ZAP70: variants seen among roughly 807,000 people sequenced by gnomAD.
The protein encoded by ZAP70 is tyrosine-protein kinase ZAP-70.
A neutral mutation model predicts 65.8 loss-of-function variants in ZAP70; 27 were observed. The observed-to-expected ratio is 0.41, with a 90% CI of 0.30 to 0.57. The LOEUF (loss-of-function observed/expected upper bound fraction) is 0.57, where lower values mean the gene tolerates loss of function less well. ZAP70 is among the 20% of genes least tolerant of loss of function. The pLI, the probability that ZAP70 is intolerant of heterozygous loss-of-function variation, is 0.28. For synonymous variants in ZAP70, 363 were observed against 360.8 expected (o/e 1.01, Z -0.07); for missense variants, 696 against 870.5 (o/e 0.80, Z 2.52).
At chr2:97,719,535 C>T (rs1677078251) in intron 2 of ZAP70, among the ~76,000 whole-genome samples, 1 of 144,988 alleles carries the variant, frequency 6.9e-6, no homozygotes, top group Non-Finnish European at 1.5e-5. Context: ...GGGGTGCTAT[C>T]AGTGCTGGAG....
rs1359245245 is a variant in ZAP70, at chr2:97,733,204, A to C, written c.782A>C (p.Asn261Thr). 3 of 1,613,410 alleles carry C rather than the reference A, an allele frequency of 1.9e-6. No individual in the cohort carries two copies. In the Admixed American group the frequency reaches 5.0e-5, roughly 27 times the overall value. Residue 261 changes from asparagine (N) to threonine (T), a missense_variant, in exon 6 of 14, where the codon AAC becomes ACC. By Grantham distance (65) the Asn-to-Thr change is moderately conservative (BLOSUM62 0). Around this residue, in one of 3 missense-constraint regions of ZAP70, gnomAD observed 551 missense variants for 630.0 expected, o/e 0.87. Coordinates refer to ENST00000264972, the MANE Select transcript of ZAP70 (RefSeq NM_001079.4). ...GCCTGCCCCAACAGCAGTGCCAGCA[A>C]CGCCTCAGGTGACGGCAGCAGGCGG... ...KEACPNSSAS[N>T]ASGAAAPTLP...
chr2:97,730,924 G>A lies in ZAP70; in HGVS notation c.564-1959G>A, dbSNP rs1439463972. 3.3e-5 allele frequency among the ~76,000 whole-genome samples: 5 copies of A among 151,980 alleles called. No homozygotes were observed. In the South Asian group the frequency reaches 6.2e-4, roughly 19 times the overall value. On this transcript the variant is annotated intron_variant, in intron 4 of 13. Transcript: ENST00000264972. The stretch of plus-strand genomic sequence containing the variant: ...CAAAAAATTAGCTGGGCGTGGTGGT[G>A]TGCACCTGCAGTCCCAGCTACTTGG...
At position 97,725,159 on chromosome 2, in the gene ZAP70, C is replaced by T; in HGVS notation, c.470C>T (p.Ala157Val). 2 of 1,614,176 alleles carry T rather than the reference C, an allele frequency of 1.2e-6. No homozygotes were observed. The highest frequency in any genetic ancestry group is 1.7e-6 in the Non-Finnish European group (2 of 1,180,032). The change falls in exon 4 of 14, where the codon GCC (alanine) becomes GTC (valine). Residue 157 changes from alanine to valine, a missense_variant. Around this residue, in one of 3 missense-constraint regions of ZAP70, gnomAD observed 551 missense variants for 630.0 expected, o/e 0.87. Transcript: ENST00000264972. ...GTGGAGAAGCTCATTGCTACGACGG[C>T]CCACGAGCGGATGCCCTGGTACCAC... is the stretch of plus-strand genomic sequence containing the variant. ...PQVEKLIATT[A>V]HERMPWYHSS...
intron 2 of ZAP70, among the ~76,000 whole-genome samples, chr2:97,717,238 T>G (rs1573248334): frequency 9.0e-5 from 4 of 44,622 alleles, no homozygotes; most frequent in East Asian, 5.5e-4. Context: ...GGAGCTGGAG[T>G]GGGAACAGGG....
chr2:97,725,834 G>T lies in ZAP70; in HGVS notation c.563+582G>T, dbSNP rs1331131150. Among the ~76,000 whole-genome samples, 5 of 152,292 alleles carry T rather than the reference G, an allele frequency of 3.3e-5. No homozygotes were observed. The East Asian group carries it at 9.7e-4, about 29-fold the overall frequency. The stretch of plus-strand genomic sequence containing the variant: ...CTGTGCAGCTTTCAGGGGGAAGGGT[G>T]TTCCTGGAAAATGCAATGGCAAGTG... On this transcript the variant is annotated intron_variant, in intron 4 of 13. Coordinates refer to ENST00000264972, the MANE Select transcript of ZAP70 (RefSeq NM_001079.4).
At chr2:97,749,106 T>C in the ZAP70 span, among the ~76,000 whole-genome samples, 1 of 148,336 alleles carries the variant, frequency 6.7e-6, no homozygotes, top group Non-Finnish European at 1.5e-5. Context: ...GCCTCCCGGG[T>C]TCACGACATT....
chr2:97,743,822 T>C (rs1459331990), downstream of ZAP70, among the ~76,000 whole-genome samples: 1 of 152,238 alleles, frequency 6.6e-6, no homozygotes, highest in Non-Finnish European at 1.5e-5. Flanking sequence ...GAATATTTCT[T>C]GCATGTGTAT....
At chr2:97,728,866 C>T (rs1677495624) in intron 4 of ZAP70, among the ~76,000 whole-genome samples, 1 of 152,232 alleles carries the variant, frequency 6.6e-6, no homozygotes, top group Non-Finnish European at 1.5e-5. Flanking sequence ...ATTCTTCTGC[C>T]TCAGCCTCCC....
At chr2:97,747,781 A>G in the ZAP70 span, among the ~76,000 whole-genome samples, 1 of 127,154 alleles carries the variant, frequency 7.9e-6, no homozygotes, top group Non-Finnish European at 1.6e-5. Flanking sequence ...CTGTCAGAAG[A>G]GTGTCTATTG....
At chr2:97,743,248 T>C (rs1678172734), downstream of ZAP70, among the ~76,000 whole-genome samples, 1 of 152,254 alleles carries the variant, frequency 6.6e-6, no homozygotes, top group Non-Finnish European at 1.5e-5. Context: ...CTTCCGCTTC[T>C]GTGGAGTTTT....
chr2:97,747,101 T>C, the ZAP70 span, among the ~76,000 whole-genome samples: 1 of 152,184 alleles, frequency 6.6e-6, no homozygotes, highest in South Asian at 2.1e-4. Context: ...CACTCGTGCA[T>C]TGCTGGTGGG....
chr2:97,735,361 C>T lies in ZAP70; in HGVS notation c.1194C>T (p.Ile398=). 3 of 1,614,138 alleles carry T rather than the reference C, an allele frequency of 1.9e-6. No homozygotes were observed. Among genetic ancestry groups the T allele is most frequent in the South Asian group, 1.1e-5 (1 of 91,092 alleles). Residue 398 remains isoleucine, a synonymous_variant, in exon 10 of 14, where the codon ATC becomes ATT. Transcript: ENST00000264972. Reference sequence around the variant, plus strand: ...TGCACCAGCTGGACAACCCCTACATCGTGCGGCTCATTGGCGTCTGCCAGG... The same window carrying T: ...TGCACCAGCTGGACAACCCCTACATTGTGCGGCTCATTGGCGTCTGCCAGG... The part of the protein sequence containing the change: ...QIMHQLDNPY[I]VRLIGVCQAE...
chr2:97,749,769 C>T, the ZAP70 span, among the ~76,000 whole-genome samples: 18 of 152,322 alleles, frequency 1.2e-4, no homozygotes, highest in African/African-American at 4.1e-4. Context: ...TGCCGCAGTT[C>T]TGCTGAGAGG....
intron 2 of ZAP70, among the ~76,000 whole-genome samples, chr2:97,721,366 C>T (rs2104652679): frequency 6.6e-6 from 1 of 152,340 alleles, no homozygotes; most frequent in South Asian, 2.1e-4. Flanking sequence ...CATTTTCCCA[C>T]CGAGGCTGCA....
At chr2:97,717,255 G>T (rs1207676108) in intron 2 of ZAP70, among the ~76,000 whole-genome samples, 1 of 152,090 alleles carries the variant, frequency 6.6e-6, no homozygotes, top group East Asian at 1.9e-4. Context: ...AGGGTGGTGG[G>T]GGGGCAGTAG....
rs11889573 is a variant in ZAP70, at chr2:97,737,879, C to T, written c.1605C>T (p.Tyr535=). ...YGVTMWEALS[Y]GQKPYKKMKG... ...TCACCATGTGGGAGGCCTTGTCCTACGGCCAGAAGCCCTACAAGGCAGGCG... is the reference window on the plus strand; with the variant it reads ...TCACCATGTGGGAGGCCTTGTCCTATGGCCAGAAGCCCTACAAGGCAGGCG... The change falls in exon 12 of 14, where the codon TAC becomes TAT. Residue 535 remains tyrosine (Y), a synonymous_variant. Transcript: ENST00000264972. The surrounding 1 kb of genome is among the most constrained non-coding windows in gnomAD (Gnocchi z 5.0). The T allele has an allele frequency of 5.2e-4, 841 of 1,614,120 alleles. 9 individuals carry two copies. The African/African-American group carries it at 6.1e-3, about 12-fold the overall frequency.
At chr2:97,718,431 G>C in intron 2 of ZAP70, among the ~76,000 whole-genome samples, 1 of 152,150 alleles carries the variant, frequency 6.6e-6, no homozygotes, top group East Asian at 1.9e-4. Flanking sequence ...TGGCCATGGG[G>C]TCCCTGGGAA....
chr2:97,725,373 C>T, intron 4 of ZAP70, 121 bp downstream of exon 4: 1 of 1,253,682 alleles, frequency 8.0e-7, no homozygotes, highest in South Asian at 1.4e-5. Flanking sequence ...CTCACATGTG[C>T]AAGTGGGTTG....
chr2:97,753,666 CG>C, the ZAP70 span, among the ~76,000 whole-genome samples: 1 of 152,004 alleles, frequency 6.6e-6, no homozygotes, highest in African/African-American at 2.4e-5. Context: ...TTTGTTTATA[CG>C]TATTTATATA....
Sources: gnomAD v4.1 joint callset for allele counts (sites outside exome capture counted in the v4.1 genomes callset) on GRCh38, gnomAD v4.1.1 for gene constraint, gnomAD v4.1.1 regional missense constraint, Gnocchi (gnomAD v3.1) non-coding constraint, MANE v1.5 for transcripts, NCBI Gene and HGNC (gene_info 2026-07-23, HGNC 2026-07-21) for gene names.